The following CCDC125 variants were observed in gnomAD, a reference collection of about 807,000 sequenced individuals.
The protein encoded by CCDC125 is coiled-coil domain-containing protein 125.
Under a neutral mutation model 57.4 loss-of-function variants are expected in CCDC125, and 43 were observed. The ratio of observed to expected loss-of-function variants is 0.75; its 90% confidence interval spans 0.59 to 0.97. CCDC125 has a LOEUF of 0.97. Among genes scored for constraint, CCDC125 ranks in the 50% least tolerant of loss-of-function variants. CCDC125 has a pLI of 0.00. For missense variants in CCDC125, 563 were observed against 595.7 expected, an observed-to-expected ratio of 0.95 and a Z score of 0.57; for synonymous variants, 187 against 195.2, an observed-to-expected ratio of 0.96 and a Z score of 0.35.
intron 11 of CCDC125, among the ~76,000 whole-genome samples, chr5:69,284,482 T>C (rs1752994757): frequency 6.6e-6 from 1 of 152,130 alleles, no homozygotes; most frequent in African/African-American, 2.4e-5. Context: ...TCACAAACTG[T>C]ATATATATAA....
intron 9 of CCDC125, among the ~76,000 whole-genome samples, chr5:69,292,866 A>T: frequency 7.1e-6 from 1 of 141,532 alleles, no homozygotes; most frequent in Non-Finnish European, 1.5e-5. Flanking sequence ...CTTTTGATGG[A>T]GTCTCGCTCT....
chr5:69,320,277 T>C lies in CCDC125; in HGVS notation c.264A>G (p.Gln88=). Residue 88 remains glutamine, a synonymous_variant, in exon 2 of 12, where the codon CAA becomes CAG. Transcript: ENST00000396496. ...GTCTGTAATTGGAAATTCTGGACACTTGAGGGAATGTATCTTGCTGGCTCT... is the reference window on the plus strand; with the variant it reads ...GTCTGTAATTGGAAATTCTGGACACCTGAGGGAATGTATCTTGCTGGCTCT... ...KHKSQQDTFP[Q]VSRISNYRRQ... 6.2e-7 allele frequency: 1 copy of C among 1,614,098 alleles called. No individual in the cohort carries two copies. Among genetic ancestry groups the C allele is most frequent in the Non-Finnish European group, 8.5e-7 (1 of 1,180,014 alleles).
At chr5:69,299,442 C>G (rs1035514254) in intron 8 of CCDC125, among the ~76,000 whole-genome samples, 6 of 152,190 alleles carry the variant, frequency 3.9e-5, no homozygotes, top group Admixed American at 2.0e-4. Flanking sequence ...ATGGCTGCCC[C>G]CTATCACTCT....
At chr5:69,313,193 G>A (rs1196408604) in intron 3 of CCDC125, among the ~76,000 whole-genome samples, 1 of 152,186 alleles carries the variant, frequency 6.6e-6, no homozygotes, top group Non-Finnish European at 1.5e-5. Flanking sequence ...CATCAGGGAT[G>A]GAGGGAGGAG....
chr5:69,278,842 G>A (rs1414121751), downstream of CCDC125, among the ~76,000 whole-genome samples: 2 of 150,060 alleles, frequency 1.3e-5, no homozygotes, highest in Non-Finnish European at 3.0e-5. Flanking sequence ...GGGACTACAG[G>A]TGCATACCAC....
intron 7 of CCDC125, 84 bp downstream of exon 7, chr5:69,303,763 A>G (rs1174288963): frequency 1.9e-5 from 15 of 774,424 alleles, no homozygotes; most frequent in Middle Eastern, 3.5e-4. Flanking sequence ...TCTCCCCTCT[A>G]TTATACTTAA....
Position 69,320,593 on chromosome 5 carries a change from A to G in CCDC125, c.-40-13T>C. 1 of 1,249,166 alleles carries G rather than the reference A, an allele frequency of 8.0e-7. No homozygotes were observed. Among genetic ancestry groups the G allele is most frequent in the East Asian group, 2.3e-5 (1 of 43,132 alleles). 77.4% of individuals were successfully genotyped at this position (1,249,166 alleles called of 1,614,324 possible). A position where few individuals can be genotyped will look rare whatever the true frequency, so the allele number is the denominator to read the frequency against. ...AAAAATGGGCTGTCTGTAGTTAAGA[A>G]AAACAGTAGTTAGGAAAACATCAGT... On this transcript the variant is annotated splice_polypyrimidine_tract_variant and intron_variant, in intron 1 of 11. Coordinates refer to ENST00000396496, the MANE Select transcript of CCDC125 (RefSeq NM_176816.5).
intron 6 of CCDC125, among the ~76,000 whole-genome samples, chr5:69,306,218 T>C (rs1222386995): frequency 6.6e-6 from 1 of 152,144 alleles, no homozygotes; most frequent in African/African-American, 2.4e-5. Flanking sequence ...TGAGCCATCA[T>C]GCCCAGCCCC....
At chr5:69,325,468 A>G (rs1160667736) in intron 1 of CCDC125, among the ~76,000 whole-genome samples, 2 of 152,102 alleles carry the variant, frequency 1.3e-5, no homozygotes, top group African/African-American at 4.8e-5. Context: ...ACGAAAATTA[A>G]ACTGAAGCAG....
intron 10 of CCDC125, among the ~76,000 whole-genome samples, chr5:69,288,872 A>C (rs1398831706): frequency 6.6e-6 from 1 of 152,024 alleles, no homozygotes; most frequent in Non-Finnish European, 1.5e-5. Context: ...GGAATCCCCC[A>C]CCCCTAGCAT....
intron 6 of CCDC125, among the ~76,000 whole-genome samples, chr5:69,306,568 T>C (rs1006968338): frequency 9.9e-5 from 15 of 152,124 alleles, no homozygotes; most frequent in African/African-American, 3.6e-4. Flanking sequence ...ACTCAAGTGA[T>C]CCTCAGATCC....
At chr5:69,325,847 A>G (rs1421087000) in intron 1 of CCDC125, among the ~76,000 whole-genome samples, 3 of 151,140 alleles carry the variant, frequency 2.0e-5, no homozygotes, top group African/African-American at 4.9e-5. Context: ...AAAAAAAAAA[A>G]AAAAGAGAGA....
At chr5:69,292,708 C>T (rs1344160773) in intron 9 of CCDC125, among the ~76,000 whole-genome samples, 1 of 152,156 alleles carries the variant, frequency 6.6e-6, no homozygotes, top group East Asian at 1.9e-4. Context: ...CATTTCAACT[C>T]AGCTTTGGGC....
intron 3 of CCDC125, among the ~76,000 whole-genome samples, chr5:69,311,991 TC>T (rs1488598113): frequency 1.3e-5 from 2 of 152,272 alleles, no homozygotes; most frequent in East Asian, 3.9e-4. Context: ...TGCCTTGGCC[TC>T]CCAAAGTGCT....
At chr5:69,331,224 CT>C (rs1468887891) in intron 1 of CCDC125, among the ~76,000 whole-genome samples, 1 of 151,532 alleles carries the variant, frequency 6.6e-6, no homozygotes, top group African/African-American at 2.4e-5. Context: ...ATCGCTTGAA[CT>C]TGGGAGGTGG....
intron 7 of CCDC125, among the ~76,000 whole-genome samples, chr5:69,302,420 CAAAA>C (rs70992918): frequency 6.5e-5 from 2 of 30,742 alleles, no homozygotes; most frequent in Admixed American, 6.7e-4. Flanking sequence ...GACTCCATCT[CAAAA>C]AAAAAAAAAA....
rs1761563442 is a variant in CCDC125, at chr5:69,332,731, C to G, written c.-123G>C. 2 of 152,504 alleles carry G rather than the reference C, an allele frequency of 1.3e-5. No homozygotes were observed. The highest frequency in any genetic ancestry group is 2.4e-5 in the African/African-American group (1 of 41,472). 9.4% of individuals were successfully genotyped at this position (152,504 alleles called of 1,614,324 possible). A position where few individuals can be genotyped will look rare whatever the true frequency, so the allele number is the denominator to read the frequency against. ...ACTCCAGCTCAGCGAACAGCACCCT[C>G]CTACCGCCCCGGCGCCCCACTCAGC... On this transcript the variant is annotated 5_prime_UTR_variant, in exon 1 of 12. Coordinates refer to ENST00000396496, the MANE Select transcript of CCDC125 (RefSeq NM_176816.5).
chr5:69,325,825 C>CAAAAAAA (rs70992925), intron 1 of CCDC125, among the ~76,000 whole-genome samples: 1 of 35,634 alleles, frequency 2.8e-5, no homozygotes, highest in African/African-American at 9.8e-5. Context: ...CCCTCTGTCT[C>CAAAAAAA]AAAAAAAAAA....
intron 10 of CCDC125, among the ~76,000 whole-genome samples, chr5:69,290,016 C>G (rs560782780): frequency 6.6e-6 from 1 of 152,052 alleles, no homozygotes; most frequent in East Asian, 1.9e-4. Context: ...TTATATTTTC[C>G]TGTTTTGTCC....
Sources: gnomAD v4.1 joint callset for allele counts (sites outside exome capture counted in the v4.1 genomes callset) on GRCh38, gnomAD v4.1.1 for gene constraint, MANE v1.5 for transcripts, NCBI Gene and HGNC (gene_info 2026-07-23, HGNC 2026-07-21) for gene names.